Variants in KCNQ3 observed in about 807,000 individuals in gnomAD.
KCNQ3 encodes potassium voltage-gated channel subfamily KQT member 3.
In KCNQ3, 30 loss-of-function variants were observed where a neutral mutation model predicts 92.5. The ratio of observed to expected loss-of-function variants is 0.32; its 90% CI spans 0.24 to 0.44. The LOEUF (loss-of-function observed/expected upper bound fraction) is 0.44, where lower values mean the gene tolerates loss of function less well. KCNQ3 is among the 20% of genes least tolerant of loss of function. The pLI, the probability that KCNQ3 is intolerant of heterozygous loss-of-function variation, is 1.00. For synonymous variants in KCNQ3, 450 were observed against 468.8 expected (o/e 0.96, Z 0.52); for missense variants, 913 against 1,140.3 (o/e 0.80, Z 2.87).
At chr8:132,427,419 G>A (rs1563908041) in intron 1 of KCNQ3, among the ~76,000 whole-genome samples, 1 of 152,194 alleles carries the variant, frequency 6.6e-6, no homozygotes, top group Admixed American at 6.5e-5. Context: ...GAGGGACCTG[G>A]ATGGGGTCAC....
At chr8:132,361,704 GA>G (rs1819177574) in intron 1 of KCNQ3, among the ~76,000 whole-genome samples, 1 of 152,012 alleles carries the variant, frequency 6.6e-6, no homozygotes, top group Non-Finnish European at 1.5e-5. Context: ...AATACATTTA[GA>G]AAAATCAAAA....
chr8:132,212,803 T>C (rs534024383), intron 1 of KCNQ3, among the ~76,000 whole-genome samples: 11 of 152,314 alleles, frequency 7.2e-5, no homozygotes, highest in African/African-American at 2.6e-4. Context: ...AGCCTGTGAC[T>C]TTGGCTTTTT....
intron 1 of KCNQ3, among the ~76,000 whole-genome samples, chr8:132,324,656 A>T (rs1222872973): frequency 6.6e-6 from 1 of 152,212 alleles, no homozygotes; most frequent in Non-Finnish European, 1.5e-5. Flanking sequence ...TGTGCCAAGC[A>T]TGTACCAAAT....
intron 1 of KCNQ3, among the ~76,000 whole-genome samples, chr8:132,383,629 G>A (rs1221322165): frequency 6.6e-6 from 1 of 152,208 alleles, no homozygotes; most frequent in East Asian, 1.9e-4. Context: ...GGACAGACAG[G>A]ACTGTGCTTG....
In KCNQ3 at chr8:132,124,519, T is replaced by C. The variant is rs1393044767; in HGVS notation, c.*4743A>G. 6.6e-6 allele frequency: 1 copy of C among 152,216 alleles called. No individual in the cohort carries two copies. Among genetic ancestry groups the C allele is most frequent in the Non-Finnish European group, 1.5e-5 (1 of 68,040 alleles). 9.4% of individuals were successfully genotyped at this position (152,216 alleles called of 1,614,324 possible). A position where few individuals can be genotyped will look rare whatever the true frequency, so the allele number is the denominator to read the frequency against. On this transcript the variant is annotated 3_prime_UTR_variant, in exon 15 of 15. Coordinates refer to ENST00000388996, the MANE Select transcript of KCNQ3 (RefSeq NM_004519.4). ...CCAGGTCATCTCTGTATGATTCCTC[T>C]TTTACACTGCCATTACTGGCTTCTA...
intron 1 of KCNQ3, among the ~76,000 whole-genome samples, chr8:132,397,394 C>G (rs1369718848): frequency 6.6e-6 from 1 of 152,158 alleles, no homozygotes; most frequent in Admixed American, 6.5e-5. Flanking sequence ...GCCTTCCTCT[C>G]CCTGCCAGGG....
Position 132,129,896 on chromosome 8 carries a change from C to A in KCNQ3, c.1985G>T (p.Gly662Val), listed in dbSNP as rs764547562. ...VQVTEYYPTK[G>V]TSSPAEAEKK... is the part of the protein sequence containing the mutation. The stretch of plus-strand genomic sequence containing the variant: ...CTCTGCTTCAGCTGGCGAGGAGGTG[C>A]CCTTGGTTGGGTAATACTCCGTGAC... The change falls in exon 15 of 15, where the codon GGC becomes GTC. Residue 662 changes from glycine to valine, a missense_variant. By Grantham distance (109) the Gly-to-Val change is moderately radical (BLOSUM62 -3). This residue lies in a region of KCNQ3 where 375 missense variants were observed against 376.4 expected (regional missense o/e 1.00). Coordinates refer to ENST00000388996, the MANE Select transcript of KCNQ3 (RefSeq NM_004519.4). The surrounding 1 kb of genome is among the most constrained non-coding windows in gnomAD (Gnocchi z 5.9). 6.2e-7 allele frequency: 1 copy of A among 1,614,076 alleles called. No individual in the cohort carries two copies. Among genetic ancestry groups the A allele is most frequent in the South Asian group, 1.1e-5 (1 of 91,072 alleles).
intron 6 of KCNQ3, among the ~76,000 whole-genome samples, chr8:132,173,963 C>A (rs1826464872): frequency 6.6e-6 from 1 of 152,206 alleles, no homozygotes; most frequent in Non-Finnish European, 1.5e-5. Context: ...GGGCCAGAAA[C>A]TCCTTTACAG....
chr8:132,284,089 G>A lies in KCNQ3; in HGVS notation c.387-97908C>T, dbSNP rs148404778. Among the ~76,000 whole-genome samples, 68 of 152,172 alleles carry A rather than the reference G, an allele frequency of 4.5e-4. 1 individual carries two copies. In the East Asian group the frequency reaches 0.01, roughly 23 times the overall value. ...ATTACATGCTATGAAGGAAAGAAGCGAGATGCCACAAGGAGATCCACTCTG... is the reference window on the plus strand; with the variant it reads ...ATTACATGCTATGAAGGAAAGAAGCAAGATGCCACAAGGAGATCCACTCTG... On this transcript the variant is annotated intron_variant, in intron 1 of 14. Coordinates refer to ENST00000388996, the MANE Select transcript of KCNQ3 (RefSeq NM_004519.4).
At chr8:132,361,367 G>T (rs1819166527) in intron 1 of KCNQ3, among the ~76,000 whole-genome samples, 1 of 152,172 alleles carries the variant, frequency 6.6e-6, no homozygotes, top group South Asian at 2.1e-4. Flanking sequence ...GCCATACCTG[G>T]TAGCTCCAAG....
intron 9 of KCNQ3, among the ~76,000 whole-genome samples, chr8:132,142,791 C>T (rs1825337287): frequency 6.6e-6 from 1 of 152,142 alleles, no homozygotes; most frequent in Non-Finnish European, 1.5e-5. Flanking sequence ...GTGCCCCTGC[C>T]AGAAGCTGCT....
At chr8:132,209,333 C>T (rs963838738) in intron 1 of KCNQ3, among the ~76,000 whole-genome samples, 12 of 152,094 alleles carry the variant, frequency 7.9e-5, no homozygotes, top group Non-Finnish European at 1.8e-4. Flanking sequence ...GCAGACTTGT[C>T]AGAGTACTTG....
chr8:132,405,283 G>A (rs1820446518), intron 1 of KCNQ3, among the ~76,000 whole-genome samples: 1 of 152,190 alleles, frequency 6.6e-6, no homozygotes, highest in East Asian at 1.9e-4. Context: ...TGCAAGGGCG[G>A]GTATGGGGGA....
chr8:132,450,125 G>A (rs1233522373), intron 1 of KCNQ3, among the ~76,000 whole-genome samples: 1 of 152,172 alleles, frequency 6.6e-6, no homozygotes, highest in African/African-American at 2.4e-5. Flanking sequence ...AGCATGGAAG[G>A]GGACCCGAGT....
chr8:132,179,812 C>A (rs1586805613), intron 4 of KCNQ3, among the ~76,000 whole-genome samples: 1 of 152,146 alleles, frequency 6.6e-6, no homozygotes, highest in Non-Finnish European at 1.5e-5. Flanking sequence ...GAGCTCATTC[C>A]ATCCTCTCAA....
At chr8:132,415,618 G>A (rs1820776290) in intron 1 of KCNQ3, among the ~76,000 whole-genome samples, 1 of 152,164 alleles carries the variant, frequency 6.6e-6, no homozygotes, top group Admixed American at 6.5e-5. Context: ...TCTGTTCTCT[G>A]ACTACGAATG....
chr8:132,202,526 C>T (rs566871548), intron 1 of KCNQ3, among the ~76,000 whole-genome samples: 34 of 152,264 alleles, frequency 2.2e-4, no homozygotes, highest in Non-Finnish European at 4.4e-4. Flanking sequence ...AAAGAAGCCA[C>T]GCAGCACCTT....
At chr8:132,329,969 C>T (rs1818183921) in intron 1 of KCNQ3, among the ~76,000 whole-genome samples, 1 of 152,086 alleles carries the variant, frequency 6.6e-6, no homozygotes, top group Non-Finnish European at 1.5e-5. Context: ...AGGTCTACAC[C>T]CTGGAGCCTG....
At chr8:132,473,526 T>C (rs904149830) in intron 1 of KCNQ3, among the ~76,000 whole-genome samples, 2 of 152,170 alleles carry the variant, frequency 1.3e-5, no homozygotes, top group Non-Finnish European at 2.9e-5. Flanking sequence ...ATCCCTAATA[T>C]CTAGAAGAGT....
Sources: gnomAD v4.1 joint callset for allele counts (sites outside exome capture counted in the v4.1 genomes callset) on GRCh38, gnomAD v4.1.1 for gene constraint, gnomAD v4.1.1 regional missense constraint, Gnocchi (gnomAD v3.1) non-coding constraint, MANE v1.5 for transcripts, NCBI Gene and HGNC (gene_info 2026-07-23, HGNC 2026-07-21) for gene names.